The following SGCZ variants were observed in gnomAD, a reference collection of about 807,000 sequenced individuals.
The protein encoded by SGCZ is sarcoglycan zeta.
A neutral mutation model predicts 41.3 loss-of-function variants in SGCZ; 40 were observed. The ratio of observed to expected loss-of-function variants is 0.97; its 90% CI spans 0.75 to 1.26. SGCZ has a LOEUF of 1.26. Ranked by LOEUF, SGCZ falls within the 50% of genes most tolerant of loss-of-function variation. SGCZ has a pLI of 0.00. For missense variants in SGCZ, 552 were observed against 369.8 expected (o/e 1.49, Z -4.04); for synonymous variants, 206 against 137.5 (o/e 1.50, Z -3.49).
At chr8:15,060,670 TAAAAA>T (rs34503809) in intron 1 of SGCZ, among the ~76,000 whole-genome samples, 1 of 144,098 alleles carries the variant, frequency 6.9e-6, no homozygotes, top group Admixed American at 6.9e-5. Flanking sequence ...CTTAAAGTAT[TAAAAA>T]AAAAAAAAAA....
intron 2 of SGCZ, among the ~76,000 whole-genome samples, chr8:14,502,671 C>T (rs1802189135): frequency 6.6e-6 from 1 of 152,128 alleles, no homozygotes; most frequent in Non-Finnish European, 1.5e-5. Context: ...CAAAAGAAGA[C>T]ATTTATGCGG....
chr8:14,300,677 T>C lies in SGCZ; in HGVS notation c.336+23426A>G, dbSNP rs1176670733. Among the ~76,000 whole-genome samples the C allele has an allele frequency of 3.3e-5, 5 of 151,946 alleles. 1 individual carries two copies. Among genetic ancestry groups the C allele is most frequent in the Non-Finnish European group, 7.4e-5 (5 of 67,902 alleles). On this transcript the variant is annotated intron_variant, in intron 3 of 7. Transcript: ENST00000382080. ...TTATGAGAATGGTGGTCGTATGAGA[T>C]CATATGAGAGTATAATGTGGTTAAT...
intron 4 of SGCZ, among the ~76,000 whole-genome samples, chr8:14,213,776 A>T (rs1344527337): frequency 6.6e-6 from 1 of 152,170 alleles, no homozygotes; most frequent in Non-Finnish European, 1.5e-5. Context: ...ATATTTAAAT[A>T]TTTAAGAAAT....
rs76408218 is a variant in SGCZ at position 14,455,534 on chromosome 8, A to C, written c.234+99198T>G. ...TTTCCTTTCAATAGATAGATAATAC[A>C]CAGACAGATTAGGTAGATAGATAGA... On this transcript the variant is annotated intron_variant, in intron 2 of 7. Coordinates refer to ENST00000382080, the MANE Select transcript of SGCZ (RefSeq NM_139167.4). Among the ~76,000 whole-genome samples, 383 of 152,116 alleles carry C rather than the reference A, an allele frequency of 2.5e-3. 3 individuals carry two copies. The highest frequency in any genetic ancestry group is 8.7e-3 in the African/African-American group (362 of 41,490).
chr8:14,375,379 T>C (rs981714768), intron 2 of SGCZ, among the ~76,000 whole-genome samples: 1 of 152,144 alleles, frequency 6.6e-6, no homozygotes, highest in Non-Finnish European at 1.5e-5. Context: ...GCCAAAAATA[T>C]ATGTGAGAAT....
intron 3 of SGCZ, among the ~76,000 whole-genome samples, chr8:14,253,994 A>T (rs923941835): frequency 6.6e-6 from 1 of 152,212 alleles, no homozygotes; most frequent in Non-Finnish European, 1.5e-5. Flanking sequence ...ATACAGAAAG[A>T]AAAACATATT....
At position 14,090,545 on chromosome 8, in the gene SGCZ, T is replaced by C. The variant is rs1038057276; in HGVS notation, c.837A>G (p.Thr279=). 10 of 1,612,960 alleles carry C rather than the reference T, an allele frequency of 6.2e-6. No individual in the cohort carries two copies. Among genetic ancestry groups the C allele is most frequent in the Non-Finnish European group, 8.5e-6 (10 of 1,179,410 alleles). The change falls in exon 8 of 8, where the codon ACA becomes ACG. Residue 279 remains threonine (T), a synonymous_variant. Transcript: ENST00000382080. Reference sequence around the variant, plus strand: ...TGGGGCAGACGCAGAGTTCATACACTGTCTGTCGAGAACTTGAGGAGCTGG... The same window carrying C: ...TGGGGCAGACGCAGAGTTCATACACCGTCTGTCGAGAACTTGAGGAGCTGG... ...SSPSSSSSRQ[T]VYELCVCPNG... is the part of the protein sequence containing the mutation.
chr8:14,494,792 G>C (rs149806306), intron 2 of SGCZ, among the ~76,000 whole-genome samples: 1 of 152,084 alleles, frequency 6.6e-6, no homozygotes, highest in Admixed American at 6.6e-5. Flanking sequence ...TTGTGTAGCT[G>C]GTTTTTGCAG....
intron 7 of SGCZ, among the ~76,000 whole-genome samples, chr8:14,095,280 C>A (rs529952921): frequency 1.3e-5 from 2 of 152,156 alleles, no homozygotes; most frequent in South Asian, 2.1e-4. Context: ...GTTTTTAATC[C>A]ATCTTGAGTT....
At chr8:14,624,523 CAT>C (rs1443082654) in intron 1 of SGCZ, among the ~76,000 whole-genome samples, 1 of 143,376 alleles carries the variant, frequency 7.0e-6, no homozygotes, top group Non-Finnish European at 1.5e-5. Flanking sequence ...TGTAAAGAAA[CAT>C]AAATATCACT....
At chr8:15,036,791 A>C (rs919694035) in intron 1 of SGCZ, among the ~76,000 whole-genome samples, 1 of 151,846 alleles carries the variant, frequency 6.6e-6, no homozygotes, top group Non-Finnish European at 1.5e-5. Context: ...GGACACTACA[A>C]AAAAAAATTA....
intron 1 of SGCZ, among the ~76,000 whole-genome samples, chr8:14,649,482 A>G (rs1365345367): frequency 1.3e-5 from 2 of 151,468 alleles, no homozygotes; most frequent in East Asian, 1.9e-4. Flanking sequence ...CCTGAAACTA[A>G]AAGAGACAGA....
intron 1 of SGCZ, among the ~76,000 whole-genome samples, chr8:14,742,659 T>G (rs907707413): frequency 2.6e-5 from 4 of 152,036 alleles, no homozygotes; most frequent in African/African-American, 9.7e-5. Flanking sequence ...TAGCAAAAAT[T>G]ATAGTACATA....
intron 1 of SGCZ, among the ~76,000 whole-genome samples, chr8:15,187,415 C>A (rs1198413952): frequency 6.6e-6 from 1 of 151,966 alleles, no homozygotes; most frequent in Non-Finnish European, 1.5e-5. Flanking sequence ...TTTTTTAGAA[C>A]AGGATAGTTT....
intron 1 of SGCZ, among the ~76,000 whole-genome samples, chr8:14,557,665 C>A (rs990369402): frequency 1.3e-5 from 2 of 151,930 alleles, no homozygotes; most frequent in African/African-American, 4.8e-5. Context: ...ACCCCCACAC[C>A]ATTTGTTGAA....
At position 15,054,881 on chromosome 8, in the gene SGCZ, G is replaced by A. The variant is rs1194531953; in HGVS notation, c.39+182704C>T. ...GGAGGCTGAGGCAGGAGAATGGCGT[G>A]AACCTAGGAGGCAGAGCTTGCAGTG... On this transcript the variant is annotated intron_variant, in intron 1 of 7. Coordinates refer to ENST00000382080, the MANE Select transcript of SGCZ (RefSeq NM_139167.4). Among the ~76,000 whole-genome samples, 6 of 150,632 alleles carry A rather than the reference G, an allele frequency of 4.0e-5. No individual in the cohort carries two copies. The East Asian group carries it at 5.9e-4, about 15-fold the overall frequency.
At position 14,804,730 on chromosome 8, in the gene SGCZ, G is replaced by A. The variant is rs1202710828; in HGVS notation, c.40-249804C>T. Among the ~76,000 whole-genome samples, 16 of 109,946 alleles carry A rather than the reference G, an allele frequency of 1.5e-4. 3 individuals are homozygous for A. Among genetic ancestry groups the A allele is most frequent in the East Asian group, 1.3e-3 (4 of 3,158 alleles). 72.1% of individuals were successfully genotyped at this position (109,946 alleles called of 152,430 possible). On this transcript the variant is annotated intron_variant, in intron 1 of 7. Transcript: ENST00000382080. ...TTCAGATGCAGGAAATACAGAGAAC[G>A]CCACAAAGATACTCCTCGAGAAGAG... is the stretch of plus-strand genomic sequence containing the variant.
intron 7 of SGCZ, among the ~76,000 whole-genome samples, chr8:14,097,965 T>C (rs1042222169): frequency 6.6e-6 from 1 of 152,152 alleles, no homozygotes; most frequent in African/African-American, 2.4e-5. Flanking sequence ...AATATCTTAT[T>C]CTGCTGATCA....
chr8:14,732,632 G>A (rs1342530253), intron 1 of SGCZ, among the ~76,000 whole-genome samples: 1 of 152,182 alleles, frequency 6.6e-6, no homozygotes, highest in Non-Finnish European at 1.5e-5. Flanking sequence ...AGACTGAGCT[G>A]CTGTTTTCGT....
Sources: gnomAD v4.1 joint callset for allele counts (sites outside exome capture counted in the v4.1 genomes callset) on GRCh38, gnomAD v4.1.1 for gene constraint, MANE v1.5 for transcripts, NCBI Gene and HGNC (gene_info 2026-07-23, HGNC 2026-07-21) for gene names.